Variants in AK8 observed in about 807,000 individuals in gnomAD.
AK8 encodes adenylate kinase 8, also known as ATP-AMP transphosphorylase 8.
In AK8, 44 loss-of-function variants were observed where a neutral mutation model predicts 54.6. The observed-to-expected ratio is 0.81, with a 90% CI of 0.63 to 1.04. The LOEUF is 1.04. Ranked by LOEUF, AK8 falls within the 50% of genes least tolerant of loss-of-function variation. AK8 has a pLI of 0.00. For missense variants in AK8, 555 were observed against 613.6 expected (o/e 0.90, Z 1.01); for synonymous variants, 239 against 245.6 (o/e 0.97, Z 0.25).
chr9:132,862,876 T>C (rs1843444974), intron 4 of AK8, among the ~76,000 whole-genome samples: 1 of 152,022 alleles, frequency 6.6e-6, no homozygotes, highest in African/African-American at 2.4e-5. Flanking sequence ...CACGAGTGGC[T>C]GGGAGCATGG....
At chr9:132,853,883 T>C (rs770360955) in intron 5 of AK8, among the ~76,000 whole-genome samples, 8 of 150,596 alleles carry the variant, frequency 5.3e-5, no homozygotes, top group Non-Finnish European at 7.4e-5. Context: ...CATGGCCCCT[T>C]AAAAATTACA....
chr9:132,827,534 C>T (rs576253402), intron 7 of AK8: 48 of 212,038 alleles, frequency 2.3e-4, no homozygotes, highest in African/African-American at 1.1e-3. Context: ...CCGTCTCCCC[C>T]CACCCTCCCG....
intron 11 of AK8, among the ~76,000 whole-genome samples, chr9:132,765,631 G>A (rs1838696212): frequency 6.6e-6 from 1 of 151,954 alleles, no homozygotes; most frequent in South Asian, 2.1e-4. Context: ...AAATAAACAA[G>A]CAAAACAACA....
At chr9:132,868,069 G>T (rs1843673883) in intron 2 of AK8, among the ~76,000 whole-genome samples, 1 of 152,178 alleles carries the variant, frequency 6.6e-6, no homozygotes, top group African/African-American at 2.4e-5. Flanking sequence ...GGTAACCTTG[G>T]CCTGGCCCCT....
At chr9:132,735,697 A>C (rs112761032) in intron 11 of AK8, among the ~76,000 whole-genome samples, 26 of 152,270 alleles carry the variant, frequency 1.7e-4, no homozygotes, top group African/African-American at 5.8e-4. Flanking sequence ...TAGACCCAGC[A>C]GTACCACTTC....
intron 5 of AK8, among the ~76,000 whole-genome samples, chr9:132,845,541 G>A (rs566468220): frequency 6.6e-6 from 1 of 152,302 alleles, no homozygotes; most frequent in East Asian, 1.9e-4. Flanking sequence ...TGTAATCCCA[G>A]CACTTTGGGA....
chr9:132,772,622 C>G (rs888124161), intron 11 of AK8, among the ~76,000 whole-genome samples: 2 of 152,152 alleles, frequency 1.3e-5, no homozygotes, highest in Admixed American at 6.5e-5. Context: ...TGTGGCAGCC[C>G]CAGCAAACCA....
intron 3 of AK8, among the ~76,000 whole-genome samples, chr9:132,865,761 C>T (rs533199099): frequency 3.3e-5 from 5 of 151,222 alleles, no homozygotes; most frequent in Admixed American, 6.6e-5. Flanking sequence ...CGCAGTGAGC[C>T]GAGATCGCAC....
chr9:132,873,636 G>GT (rs1588244916), intron 2 of AK8, among the ~76,000 whole-genome samples: 1 of 152,274 alleles, frequency 6.6e-6, no homozygotes, highest in East Asian at 1.9e-4. Flanking sequence ...TGGTGGCGGT[G>GT]TGAGATAGCT....
chr9:132,743,752 A>G (rs1032486540), intron 11 of AK8, among the ~76,000 whole-genome samples: 1 of 152,184 alleles, frequency 6.6e-6, no homozygotes, highest in African/African-American at 2.4e-5. Flanking sequence ...CGTTACATGC[A>G]CGTGCTATCT....
intron 11 of AK8, among the ~76,000 whole-genome samples, chr9:132,768,696 G>A (rs982578464): frequency 6.6e-6 from 1 of 152,170 alleles, no homozygotes; most frequent in African/African-American, 2.4e-5. Context: ...AATGCTAGTT[G>A]TTGCATTGTA....
At chr9:132,769,741 G>A (rs1360638716) in intron 11 of AK8, 1 of 152,172 alleles carries the variant, frequency 6.6e-6, no homozygotes, top group Non-Finnish European at 1.5e-5. Context: ...TTCCTGGTAG[G>A]TAATCAGATC....
At chr9:132,824,787 T>C (rs901780281) in intron 8 of AK8, among the ~76,000 whole-genome samples, 2 of 152,218 alleles carry the variant, frequency 1.3e-5, no homozygotes, top group Admixed American at 1.3e-4. Context: ...CCCCTCTTTT[T>C]AGAAGGCAGA....
intron 11 of AK8, among the ~76,000 whole-genome samples, chr9:132,787,763 T>C (rs1839778589): frequency 1.3e-5 from 2 of 152,182 alleles, no homozygotes; most frequent in South Asian, 4.1e-4. Context: ...AAAGGGTGAC[T>C]TCTTCAATTT....
intron 5 of AK8, among the ~76,000 whole-genome samples, chr9:132,852,227 A>G (rs1304050000): frequency 6.6e-6 from 1 of 152,182 alleles, no homozygotes; most frequent in Non-Finnish European, 1.5e-5. Flanking sequence ...TAATCTCAGC[A>G]CTTTGGGAGG....
At position 132,756,819 on chromosome 9, in the gene AK8, AC is replaced by A. The variant is rs1411369826; in HGVS notation, c.1122-29286del. ...CAGGCGAATTCCGCACCCCCATAAA[AC>A]GACTCACTCAAGGTCATTATCAGCC... On this transcript the variant is annotated intron_variant, in intron 11 of 12. Coordinates refer to ENST00000298545, the MANE Select transcript of AK8 (RefSeq NM_152572.3). Among the ~76,000 whole-genome samples the A allele has an allele frequency of 2.0e-5, 3 of 151,902 alleles. No individual in the cohort carries two copies. The East Asian group carries it at 5.8e-4, about 29-fold the overall frequency.
Position 132,811,263 on chromosome 9 carries a change from A to G in AK8, c.979+3375T>C, listed in dbSNP as rs909755843. Among the ~76,000 whole-genome samples, 4 of 152,248 alleles carry G rather than the reference A, an allele frequency of 2.6e-5. No homozygotes were observed. The South Asian group carries it at 8.3e-4, about 31-fold the overall frequency. The stretch of plus-strand genomic sequence containing the variant: ...TGGCAAAAAGGGCTCTGCAAAGGGG[A>G]CTAAATTAAGGATCTGGAGATGAAG... On this transcript the variant is annotated intron_variant, in intron 10 of 12. Coordinates refer to ENST00000298545, the MANE Select transcript of AK8 (RefSeq NM_152572.3).
chr9:132,778,062 A>G (rs1839303408), intron 11 of AK8, among the ~76,000 whole-genome samples: 1 of 152,226 alleles, frequency 6.6e-6, no homozygotes, highest in Non-Finnish European at 1.5e-5. Flanking sequence ...GTCCTGTTGC[A>G]GTCAGCTGCA....
intron 11 of AK8, among the ~76,000 whole-genome samples, chr9:132,750,370 TG>T (rs1254638367): frequency 6.6e-6 from 1 of 151,832 alleles, no homozygotes; most frequent in Non-Finnish European, 1.5e-5. Context: ...CCACCCGCCT[TG>T]GCCTCTCAAA....
Sources: gnomAD v4.1 joint callset for allele counts (sites outside exome capture counted in the v4.1 genomes callset) on GRCh38, gnomAD v4.1.1 for gene constraint, MANE v1.5 for transcripts, NCBI Gene and HGNC (gene_info 2026-07-23, HGNC 2026-07-21) for gene names.